Variants in BTBD8 observed in about 807,000 individuals in gnomAD.
BTBD8 encodes the protein BTB/POZ domain-containing protein 8.
BTBD8 carries 110 observed loss-of-function variants against 162.9 expected under a neutral mutation model. That is an observed-to-expected ratio of 0.68 (90% CI 0.58 to 0.79). The LOEUF is 0.79. Among genes scored for constraint, BTBD8 ranks in the 30% least tolerant of loss-of-function variants. BTBD8 has a pLI of 0.00. For missense variants in BTBD8, 1,905 were observed against 2,085.4 expected (o/e 0.91, Z 1.68); for synonymous variants, 667 against 716.1 (o/e 0.93, Z 1.10).
intron 4 of BTBD8, among the ~76,000 whole-genome samples, chr1:92,111,079 C>T (rs868323125): frequency 1.3e-5 from 2 of 151,642 alleles, no homozygotes; most frequent in Non-Finnish European, 2.9e-5. Flanking sequence ...GCAACCTCTG[C>T]CCCCCGGGTT....
Position 92,181,919 on chromosome 1 carries a change from A to G in BTBD8, c.4236A>G (p.Ile1412Met). Residue 1412 changes from isoleucine to methionine, a missense_variant, in exon 17 of 18, where the codon ATA becomes ATG. By Grantham distance (10) the Ile-to-Met change is conservative. Transcript: ENST00000636805. Reference protein sequence around the residue: ...SNPAPQQFQGIINLAFEDATE... With the variant: ...SNPAPQQFQGMINLAFEDATE... ...CAGCTCCTCAGCAGTTTCAGGGAAT[A>G]ATTAATTTAGCTTTTGAAGATGCAA... The G allele has an allele frequency of 1.9e-6, 3 of 1,551,552 alleles. No homozygotes were observed. Among genetic ancestry groups the G allele is most frequent in the Non-Finnish European group, 1.7e-6 (2 of 1,146,898 alleles).
chr1:92,092,124 G>T (rs1648321374), intron 2 of BTBD8, among the ~76,000 whole-genome samples: 1 of 152,140 alleles, frequency 6.6e-6, no homozygotes, highest in Non-Finnish European at 1.5e-5. Flanking sequence ...ACTTAGGGCG[G>T]GTACAGTGAC....
chr1:92,110,988 C>A (rs1199346396), intron 4 of BTBD8, among the ~76,000 whole-genome samples: 1 of 150,310 alleles, frequency 6.7e-6, no homozygotes, highest in African/African-American at 2.4e-5. Flanking sequence ...GCAGAGCAGT[C>A]ATTCCTTTTT....
intron 5 of BTBD8, among the ~76,000 whole-genome samples, chr1:92,137,550 G>A (rs1649663345): frequency 2.0e-5 from 3 of 152,222 alleles, no homozygotes; most frequent in Admixed American, 6.5e-5. Flanking sequence ...GTCTGTTGGA[G>A]TCTTCAAGGG....
At chr1:92,172,922 T>C (rs1046287614) in intron 13 of BTBD8, among the ~76,000 whole-genome samples, 7 of 152,158 alleles carry the variant, frequency 4.6e-5, no homozygotes, top group African/African-American at 1.7e-4. Flanking sequence ...CTACACACCA[T>C]AGCTCCTCTT....
intron 1 of BTBD8, among the ~76,000 whole-genome samples, chr1:92,086,534 G>A (rs186297391): frequency 6.4e-4 from 98 of 152,152 alleles, no homozygotes; most frequent in African/African-American, 1.9e-3. Context: ...GGGAGGCTGC[G>A]GTGGGAGGAT....
intron 10 of BTBD8, among the ~76,000 whole-genome samples, 172 bp from the exon 11 acceptor site, chr1:92,167,676 A>C (rs747326761): frequency 6.6e-6 from 1 of 152,262 alleles, no homozygotes; most frequent in Admixed American, 6.5e-5. Context: ...TAAATAAATA[A>C]AAATAAAAGC....
chr1:92,149,284 G>A (rs1457166651), intron 9 of BTBD8, among the ~76,000 whole-genome samples: 1 of 152,012 alleles, frequency 6.6e-6, no homozygotes, highest in African/African-American at 2.4e-5. Flanking sequence ...TTGTATCTAC[G>A]TATTTAAGGT....
In BTBD8 at chr1:92,095,807, T is replaced by C. The variant is rs567338194; in HGVS notation, c.348-6666T>C. The stretch of plus-strand genomic sequence containing the variant: ...ACTCTACCTCAACTACTCACTGCCA[T>C]GTCAAATCCTAAATAGTGCTGTTAT... On this transcript the variant is annotated intron_variant, in intron 2 of 17. Coordinates refer to ENST00000636805, the MANE Select transcript of BTBD8 (RefSeq NM_001376131.1). Among the ~76,000 whole-genome samples, 82 of 152,282 alleles carry C rather than the reference T, an allele frequency of 5.4e-4. 1 individual carries two copies. The highest frequency in any genetic ancestry group is 1.0e-3 in the Non-Finnish European group (70 of 68,032).
chr1:92,108,111 CAG>C, intron 4 of BTBD8, 110 bp downstream of exon 4: 1 of 1,040,668 alleles, frequency 9.6e-7, no homozygotes, highest in East Asian at 2.4e-5. Flanking sequence ...ACACAGGCCA[CAG>C]GGGTTCCATG....
chr1:92,139,308 T>C, intron 5 of BTBD8, 42 bp from the exon 6 acceptor site: 1 of 1,537,394 alleles, frequency 6.5e-7, no homozygotes, highest in South Asian at 1.3e-5. Context: ...TTGATATCAG[T>C]TAAACCTTAA....
chr1:92,106,485 C>A (rs1162578700), intron 3 of BTBD8, among the ~76,000 whole-genome samples: 1 of 151,054 alleles, frequency 6.6e-6, no homozygotes, highest in African/African-American at 2.4e-5. Context: ...ATGGTGAAAC[C>A]CCGTCTCTAC....
chr1:92,096,267 G>T (rs994155714), intron 2 of BTBD8, among the ~76,000 whole-genome samples: 5 of 152,118 alleles, frequency 3.3e-5, no homozygotes, highest in Admixed American at 6.6e-5. Flanking sequence ...TCAAGCCCAG[G>T]CTAGATTTTA....
At chr1:92,147,008 G>T (rs1365837548) in intron 7 of BTBD8, among the ~76,000 whole-genome samples, 172 bp from the exon 8 acceptor site, 1 of 152,122 alleles carries the variant, frequency 6.6e-6, no homozygotes, top group East Asian at 1.9e-4. Flanking sequence ...ACCAGCAGAA[G>T]TTAATTCCAG....
At chr1:92,175,702 A>C (rs1259901983) in intron 13 of BTBD8, among the ~76,000 whole-genome samples, 1 of 151,712 alleles carries the variant, frequency 6.6e-6, no homozygotes, top group African/African-American at 2.4e-5. Context: ...AGGCTGAGGC[A>C]GGAGATTGCT....
chr1:92,150,755 A>G (rs529042777), intron 9 of BTBD8: 1 of 152,364 alleles, frequency 6.6e-6, no homozygotes, highest in South Asian at 2.1e-4. Context: ...CTAAATGTGC[A>G]CATCTTTGGG....
At position 92,129,945 on chromosome 1, in the gene BTBD8, A is replaced by G. The variant is rs144010358; in HGVS notation, c.752+169A>G. Among the ~76,000 whole-genome samples, 582 of 152,372 alleles carry G rather than the reference A, an allele frequency of 3.8e-3. 5 individuals carry two copies. Among genetic ancestry groups the G allele is most frequent in the African/African-American group, 0.013 (551 of 41,594 alleles). ...GGGAAGTAATAGAGAGCATTTATTA[A>G]TAGAGGTATTGTGTTAATCTGCTTA... On this transcript the variant is annotated intron_variant, in intron 5 of 17. Coordinates refer to ENST00000636805, the MANE Select transcript of BTBD8 (RefSeq NM_001376131.1).
At chr1:92,109,337 A>C (rs1008957042) in intron 4 of BTBD8, among the ~76,000 whole-genome samples, 1 of 151,392 alleles carries the variant, frequency 6.6e-6, no homozygotes, top group Non-Finnish European at 1.5e-5. Flanking sequence ...CCATGTGGGC[A>C]TCCTACCAAA....
At chr1:92,150,600 G>C (rs1315087812) in intron 9 of BTBD8, 1 of 152,074 alleles carries the variant, frequency 6.6e-6, no homozygotes, top group African/African-American at 2.4e-5. Context: ...GCTTTTTCTG[G>C]TTTCAGTTGT....
Sources: allele counts gnomAD v4.1 joint callset (sites outside exome capture counted in the v4.1 genomes callset), GRCh38; gene constraint gnomAD v4.1.1; transcripts MANE v1.5; gene names NCBI Gene and HGNC (gene_info 2026-07-23, HGNC 2026-07-21).